ANKS1B: variants seen among roughly 807,000 people sequenced by gnomAD.
The protein encoded by ANKS1B is ankyrin repeat and sterile alpha motif domain containing 1B.
In ANKS1B, 36 loss-of-function variants were observed where a neutral mutation model predicts 148.3. The ratio of observed to expected loss-of-function variants is 0.24; its 90% CI spans 0.19 to 0.32. ANKS1B has a LOEUF of 0.32. Ranked by LOEUF, ANKS1B falls within the 10% of genes least tolerant of loss-of-function variation. The pLI is 1.00. For synonymous variants in ANKS1B, 542 were observed against 560.8 expected (o/e 0.97, Z 0.47); for missense variants, 1,157 against 1,542.6 (o/e 0.75, Z 4.19).
chr12:99,716,481 C>T (rs183863559), intron 8 of ANKS1B, among the ~76,000 whole-genome samples: 1 of 152,210 alleles, frequency 6.6e-6, no homozygotes, highest in East Asian at 1.9e-4. Context: ...CCTGTGTTCT[C>T]AAGAACTTAA....
intron 24 of ANKS1B, among the ~76,000 whole-genome samples, chr12:98,776,722 A>G (rs1346423453): frequency 6.6e-6 from 1 of 152,238 alleles, no homozygotes; most frequent in African/African-American, 2.4e-5. Flanking sequence ...TCTCCTCATC[A>G]GCCGGGCTTT....
intron 17 of ANKS1B, among the ~76,000 whole-genome samples, chr12:99,002,270 A>G (rs532007466): frequency 6.6e-6 from 1 of 152,308 alleles, no homozygotes; most frequent in South Asian, 2.1e-4. Context: ...TCCCACAAAC[A>G]GTATGCAAGG....
At chr12:99,053,389 T>C (rs997000817) in intron 16 of ANKS1B, 80 bp from the exon 17 acceptor site, 2 of 1,140,818 alleles carry the variant, frequency 1.8e-6, no homozygotes, top group East Asian at 3.1e-5. Context: ...CCCTTGAAAA[T>C]TTATTTGACA....
chr12:99,874,700 G>A (rs1019772799), intron 1 of ANKS1B, among the ~76,000 whole-genome samples: 2 of 152,170 alleles, frequency 1.3e-5, no homozygotes, highest in Non-Finnish European at 2.9e-5. Flanking sequence ...CAAGGAAGGT[G>A]GGACATATGC....
chr12:99,107,455 G>A (rs2059455145), intron 15 of ANKS1B, among the ~76,000 whole-genome samples: 1 of 152,216 alleles, frequency 6.6e-6, no homozygotes, highest in Admixed American at 6.5e-5. Context: ...ATACTCAACA[G>A]CCTGTAACAT....
At chr12:99,896,455 C>T (rs1458306570) in intron 1 of ANKS1B, among the ~76,000 whole-genome samples, 1 of 151,212 alleles carries the variant, frequency 6.6e-6, no homozygotes, top group Non-Finnish European at 1.5e-5. Context: ...AATAATACTC[C>T]ATTGTGAATA....
At chr12:99,983,992 T>A in intron 1 of ANKS1B, 112 bp downstream of exon 1, 1 of 953,518 alleles carries the variant, frequency 1.0e-6, no homozygotes, top group East Asian at 2.5e-5. Context: ...CTACCTAATT[T>A]AAGAATGAAT....
chr12:99,714,481 G>A (rs1402030530), intron 8 of ANKS1B, among the ~76,000 whole-genome samples: 1 of 152,104 alleles, frequency 6.6e-6, no homozygotes, highest in Non-Finnish European at 1.5e-5. Context: ...CCAACAGCAT[G>A]TGCTCACCTC....
chr12:99,982,223 G>A (rs1566136878), intron 1 of ANKS1B, among the ~76,000 whole-genome samples: 1 of 151,634 alleles, frequency 6.6e-6, no homozygotes, highest in African/African-American at 2.4e-5. Flanking sequence ...ACCAGCAAAA[G>A]AGAAAACCTC....
rs545684991 is a variant in ANKS1B at position 99,499,976 on chromosome 12, G to A, written c.1438+4500C>T. Among the ~76,000 whole-genome samples the A allele has an allele frequency of 1.5e-4, 23 of 151,960 alleles. No individual in the cohort carries two copies. The East Asian group carries it at 4.1e-3, about 27-fold the overall frequency. ...GAGCCCCAAAGCCAGTGCCTGTCAA[G>A]CCAAAAGGGCCAAGGAAGGATGGAT... On this transcript the variant is annotated intron_variant, in intron 10 of 26. Transcript: ENST00000683438.
intron 24 of ANKS1B, among the ~76,000 whole-genome samples, chr12:98,775,333 C>T (rs1055727194): frequency 3.9e-5 from 6 of 152,218 alleles, no homozygotes; most frequent in South Asian, 2.1e-4. Flanking sequence ...CAATGGTGCA[C>T]GGCAGCACTG....
chr12:98,822,570 T>C (rs1215060858), intron 19 of ANKS1B, among the ~76,000 whole-genome samples: 2 of 152,244 alleles, frequency 1.3e-5, no homozygotes, highest in Non-Finnish European at 2.9e-5. Flanking sequence ...GTCAGATTTT[T>C]TGTTTAGTTG....
intron 1 of ANKS1B, among the ~76,000 whole-genome samples, chr12:99,951,213 T>A (rs1262852554): frequency 6.6e-6 from 1 of 152,236 alleles, no homozygotes; most frequent in African/African-American, 2.4e-5. Flanking sequence ...TATGATGTTC[T>A]TACATTTCAG....
intron 25 of ANKS1B, among the ~76,000 whole-genome samples, chr12:98,757,492 C>T (rs530805234): frequency 1.3e-5 from 2 of 152,330 alleles, no homozygotes; most frequent in South Asian, 2.1e-4. Context: ...AGGAAGATGA[C>T]CCATGAGCCC....
chr12:98,778,884 C>T (rs1430466472), intron 24 of ANKS1B, among the ~76,000 whole-genome samples: 1 of 152,236 alleles, frequency 6.6e-6, no homozygotes, highest in Non-Finnish European at 1.5e-5. Context: ...CACCCACACT[C>T]TCCCTACCCA....
At chr12:98,875,326 C>A (rs2099685706) in intron 17 of ANKS1B, among the ~76,000 whole-genome samples, 1 of 152,164 alleles carries the variant, frequency 6.6e-6, no homozygotes, top group South Asian at 2.1e-4. Context: ...CATGTAAATT[C>A]TCCCTGTTTA....
intron 25 of ANKS1B, among the ~76,000 whole-genome samples, chr12:98,756,328 A>G (rs1170818996): frequency 2.6e-5 from 4 of 152,148 alleles, no homozygotes; most frequent in African/African-American, 4.8e-5. Flanking sequence ...CTACTGCCAC[A>G]TAAGATGTGC....
intron 17 of ANKS1B, chr12:98,949,978 T>C (rs1035826638): frequency 2.6e-5 from 4 of 152,234 alleles, no homozygotes; most frequent in African/African-American, 9.7e-5. Context: ...ATGATGATGA[T>C]GAGACTAGAA....
intron 17 of ANKS1B, among the ~76,000 whole-genome samples, chr12:98,849,265 G>A (rs144315255): frequency 1.1e-4 from 16 of 150,378 alleles, no homozygotes; most frequent in East Asian, 3.9e-4. Flanking sequence ...GTCTTAACTC[G>A]CATCAAGGTT....
Sources: allele counts gnomAD v4.1 joint callset (sites outside exome capture counted in the v4.1 genomes callset), GRCh38; gene constraint gnomAD v4.1.1; transcripts MANE v1.5; gene names NCBI Gene and HGNC (gene_info 2026-07-23, HGNC 2026-07-21).